Variants in STX8 observed in about 807,000 individuals in gnomAD.
STX8 encodes syntaxin 8.
In STX8, 23 loss-of-function variants were observed where a neutral mutation model predicts 37.5. That is an observed-to-expected ratio of 0.61 (90% CI 0.44 to 0.87). STX8 has a LOEUF of 0.87. Among genes scored for constraint, STX8 ranks in the 40% least tolerant of loss-of-function variants. The pLI, the probability that STX8 is intolerant of heterozygous loss-of-function variation, is 0.00. For missense variants in STX8, 313 were observed against 284.7 expected (o/e 1.10, Z -0.71); for synonymous variants, 115 against 99.1 (o/e 1.16, Z -0.95).
At chr17:9,355,705 T>G (rs1774623572) in intron 7 of STX8, among the ~76,000 whole-genome samples, 1 of 151,980 alleles carries the variant, frequency 6.6e-6, no homozygotes, top group African/African-American at 2.4e-5. Flanking sequence ...AGATGGGATT[T>G]CACCATGTTG....
chr17:9,359,923 G>A (rs968695947), intron 7 of STX8, among the ~76,000 whole-genome samples: 2 of 152,050 alleles, frequency 1.3e-5, no homozygotes, highest in African/African-American at 2.4e-5. Flanking sequence ...CTTCAGAGAA[G>A]AGCCTCATTC....
chr17:9,439,093 T>C (rs915897120), intron 6 of STX8, among the ~76,000 whole-genome samples: 9 of 152,168 alleles, frequency 5.9e-5, no homozygotes, highest in Admixed American at 3.9e-4. Context: ...CATTTAAAAA[T>C]ATAAATGCCA....
chr17:9,381,541 C>T (rs1423874586), intron 6 of STX8, among the ~76,000 whole-genome samples: 8 of 152,084 alleles, frequency 5.3e-5, no homozygotes, highest in Admixed American at 1.3e-4. Flanking sequence ...ATTTATAGAC[C>T]GTATAGTTAT....
Position 9,408,123 on chromosome 17 carries a change from T to C in STX8, c.542-29470A>G, listed in dbSNP as rs185799425. On this transcript the variant is annotated intron_variant, in intron 6 of 7. Coordinates refer to ENST00000306357, the MANE Select transcript of STX8 (RefSeq NM_004853.3). ...ACGATATATATAAAAATAAAACCCG[T>C]CTGATGAGAATTTATGATTTATGGG... 7.2e-5 allele frequency among the ~76,000 whole-genome samples: 11 copies of C among 152,252 alleles called. No homozygotes were observed. In the East Asian group the frequency reaches 2.1e-3, roughly 29 times the overall value.
At chr17:9,351,691 T>G (rs904240321) in intron 7 of STX8, among the ~76,000 whole-genome samples, 1 of 152,184 alleles carries the variant, frequency 6.6e-6, no homozygotes, top group African/African-American at 2.4e-5. Context: ...TTCTTTAGTT[T>G]CCTTTAATCT....
At chr17:9,252,013 T>TA (rs1282206469) in intron 7 of STX8, among the ~76,000 whole-genome samples, 2 of 148,664 alleles carry the variant, frequency 1.3e-5, no homozygotes, top group Non-Finnish European at 3.0e-5. Flanking sequence ...AAAATATATT[T>TA]AAAAAAATAG....
chr17:9,262,592 GT>G (rs60869466), intron 7 of STX8, among the ~76,000 whole-genome samples: 21,484 of 150,708 alleles, frequency 0.14, 3,163 homozygotes, highest in East Asian at 0.37. Flanking sequence ...TTGTTTTTTT[GT>G]TTTTTTTGAG....
At chr17:9,376,988 G>A (rs1456119578) in intron 7 of STX8, among the ~76,000 whole-genome samples, 1 of 152,090 alleles carries the variant, frequency 6.6e-6, no homozygotes, top group Non-Finnish European at 1.5e-5. Context: ...AGAAGCACAG[G>A]GCAGGATGGT....
At chr17:9,263,200 C>G (rs1040689594) in intron 7 of STX8, among the ~76,000 whole-genome samples, 1 of 151,632 alleles carries the variant, frequency 6.6e-6, no homozygotes, top group Non-Finnish European at 1.5e-5. Flanking sequence ...GGGACGGGTG[C>G]GTGCGGTGGC....
intron 4 of STX8, among the ~76,000 whole-genome samples, chr17:9,523,675 C>G (rs1905453325): frequency 6.6e-6 from 1 of 152,158 alleles, no homozygotes; most frequent in Non-Finnish European, 1.5e-5. Flanking sequence ...CTTTACTGTA[C>G]TTGTTTCCAT....
At chr17:9,420,024 T>G (rs1913365241) in intron 6 of STX8, among the ~76,000 whole-genome samples, 1 of 152,244 alleles carries the variant, frequency 6.6e-6, no homozygotes, top group Non-Finnish European at 1.5e-5. Flanking sequence ...TGAACCCACT[T>G]AAACCCATTC....
chr17:9,569,565 T>C (rs1721631175), intron 1 of STX8: 2 of 152,638 alleles, frequency 1.3e-5, no homozygotes, highest in African/African-American at 4.8e-5. Context: ...TTCAGCAGCG[T>C]TGGAGGCTTT....
chr17:9,252,386 G>A (rs1404533627), intron 7 of STX8, among the ~76,000 whole-genome samples: 2 of 151,746 alleles, frequency 1.3e-5, no homozygotes, highest in Non-Finnish European at 2.9e-5. Flanking sequence ...GGAGCTTGCA[G>A]TGAGCCGAGA....
intron 7 of STX8, among the ~76,000 whole-genome samples, chr17:9,300,319 G>A (rs1341529132): frequency 4.2e-3 from 348 of 82,714 alleles, no homozygotes; most frequent in African/African-American, 0.014. Flanking sequence ...CAACAAGAGC[G>A]AAACTCCATC....
intron 7 of STX8, among the ~76,000 whole-genome samples, chr17:9,331,784 C>A (rs542462066): frequency 2.2e-4 from 34 of 152,300 alleles, no homozygotes; most frequent in Middle Eastern, 3.4e-3. Flanking sequence ...CTCCCTCCCC[C>A]CTCTCTGCCT....
At chr17:9,488,821 A>AGAGAGAGT in intron 6 of STX8, among the ~76,000 whole-genome samples, 1 of 144,014 alleles carries the variant, frequency 6.9e-6, no homozygotes, top group South Asian at 2.3e-4. Flanking sequence ...AGAGAGAGAG[A>AGAGAGAGT]GTGTGTGTGT....
intron 7 of STX8, among the ~76,000 whole-genome samples, chr17:9,292,194 C>T (rs1003662560): frequency 1.1e-4 from 17 of 152,182 alleles, no homozygotes; most frequent in African/African-American, 3.9e-4. Context: ...TTCCTTTACA[C>T]AAAGAAGAAC....
intron 5 of STX8, among the ~76,000 whole-genome samples, chr17:9,499,622 T>C (rs1482646454): frequency 6.6e-6 from 1 of 152,128 alleles, no homozygotes; most frequent in Non-Finnish European, 1.5e-5. Context: ...ATGGTCTCGA[T>C]CTCTTGACCT....
At chr17:9,495,299 T>C (rs1904342572) in intron 5 of STX8, among the ~76,000 whole-genome samples, 1 of 152,184 alleles carries the variant, frequency 6.6e-6, no homozygotes, top group African/African-American at 2.4e-5. Context: ...ACCTCTTGGA[T>C]GGCCTCCAAG....
Sources: allele counts gnomAD v4.1 joint callset (sites outside exome capture counted in the v4.1 genomes callset), GRCh38; gene constraint gnomAD v4.1.1; transcripts MANE v1.5; gene names NCBI Gene and HGNC (gene_info 2026-07-23, HGNC 2026-07-21).